The following TBC1D16 variants were observed in gnomAD, a reference collection of about 807,000 sequenced individuals.
TBC1D16 encodes CTD-2529O21.1.
A neutral mutation model predicts 74.7 loss-of-function variants in TBC1D16; 58 were observed. The observed-to-expected ratio is 0.78, with a 90% CI of 0.63 to 0.97. The LOEUF (loss-of-function observed/expected upper bound fraction) is 0.97, where lower values mean the gene tolerates loss of function less well. Among genes scored for constraint, TBC1D16 ranks in the 50% least tolerant of loss-of-function variants. The pLI is 0.00. For missense variants in TBC1D16, 1,014 were observed against 1,079.5 expected, an observed-to-expected ratio of 0.94 and a Z score of 0.85; for synonymous variants, 493 against 474.7, an observed-to-expected ratio of 1.04 and a Z score of -0.50.
intron 3 of TBC1D16, among the ~76,000 whole-genome samples, chr17:79,955,108 T>C (rs1200236161): frequency 2.6e-5 from 4 of 152,138 alleles, no homozygotes; most frequent in Non-Finnish European, 5.9e-5. Flanking sequence ...GCTTAAACCC[T>C]CTCGCAACCC....
chr17:80,021,901 G>A (rs1568645434), intron 1 of TBC1D16, among the ~76,000 whole-genome samples: 1 of 150,234 alleles, frequency 6.7e-6, no homozygotes, highest in Non-Finnish European at 1.5e-5. Flanking sequence ...CACACACCAT[G>A]ACACACACCA....
intron 3 of TBC1D16, among the ~76,000 whole-genome samples, chr17:79,982,173 G>A (rs1197726291): frequency 4.1e-5 from 6 of 147,396 alleles, no homozygotes; most frequent in African/African-American, 1.5e-4. Context: ...TTGAGACCGA[G>A]TCTCACTCTA....
chr17:79,972,170 G>T (rs1028327172), intron 3 of TBC1D16, among the ~76,000 whole-genome samples: 7 of 151,994 alleles, frequency 4.6e-5, no homozygotes, highest in Non-Finnish European at 7.4e-5. Flanking sequence ...AAAAAGGAAG[G>T]AAATTCTTTT....
In TBC1D16 at chr17:80,009,046, C is replaced by T. The variant is rs1431433553; in HGVS notation, c.779+1114G>A. Among the ~76,000 whole-genome samples the T allele has an allele frequency of 2.6e-5, 4 of 152,300 alleles. No homozygotes were observed. Among genetic ancestry groups the T allele is most frequent in the East Asian group, 3.9e-4 (2 of 5,168 alleles). On this transcript the variant is annotated intron_variant, in intron 3 of 11. Coordinates refer to ENST00000310924, the MANE Select transcript of TBC1D16 (RefSeq NM_019020.4). This position sits in a 1 kb window ranked among gnomAD's most constrained non-coding sequence, Gnocchi z 5.4. ...CTTCTCCGAGCCGCCCTTTCCCCTT[C>T]GATAGCAGGGGATAATAGGAGGGCC...
intron 1 of TBC1D16, among the ~76,000 whole-genome samples, chr17:80,021,787 ACT>A (rs1295896269): frequency 6.8e-6 from 1 of 148,000 alleles, no homozygotes; most frequent in Non-Finnish European, 1.5e-5. Context: ...CACACACCAC[ACT>A]CTACACACAC....
At chr17:79,991,704 G>A (rs2035066027) in intron 3 of TBC1D16, among the ~76,000 whole-genome samples, 1 of 149,372 alleles carries the variant, frequency 6.7e-6, no homozygotes, top group African/African-American at 2.4e-5. Context: ...AGGTGGGGGT[G>A]GGGCGGGGCG....
intron 3 of TBC1D16, among the ~76,000 whole-genome samples, chr17:79,984,707 A>AC (rs2034758816): frequency 7.3e-6 from 1 of 137,228 alleles, no homozygotes; most frequent in Non-Finnish European, 1.5e-5. Context: ...GTAAAGGCAA[A>AC]AAAAAAAAAA....
In TBC1D16 at chr17:80,018,178, C is replaced by CAAAAA. The variant is rs535459874; in HGVS notation, c.-62-4574_-62-4570dup. On this transcript the variant is annotated intron_variant, in intron 1 of 11. Transcript: ENST00000310924. ...ATACAATTTTAAATTTTCTGGTAAG[C>CAAAAA]AAAAAAAAAAAAAAAAGTGAAATTA... Among the ~76,000 whole-genome samples the CAAAAA allele has an allele frequency of 1.8e-3, 155 of 86,108 alleles. 2 individuals carry two copies. Among genetic ancestry groups the CAAAAA allele is most frequent in the African/African-American group, 6.6e-3 (149 of 22,422 alleles). 56.5% of individuals were successfully genotyped at this position (86,108 alleles called of 152,430 possible).
intron 3 of TBC1D16, among the ~76,000 whole-genome samples, chr17:79,964,410 T>A (rs1568594085): frequency 6.6e-6 from 1 of 152,232 alleles, no homozygotes; most frequent in Admixed American, 6.5e-5. Context: ...GATAGTATAT[T>A]TTGATGCGCA....
intron 1 of TBC1D16, among the ~76,000 whole-genome samples, chr17:80,024,806 C>T (rs2036489682): frequency 6.8e-6 from 1 of 147,368 alleles, no homozygotes; most frequent in Non-Finnish European, 1.5e-5. Context: ...AAACCATAGG[C>T]ACATACACCA....
At chr17:79,947,574 C>T in intron 9 of TBC1D16, 71 bp downstream of exon 9, 11 of 1,557,108 alleles carry the variant, frequency 7.1e-6, no homozygotes, top group Non-Finnish European at 9.6e-6. Context: ...CCACGGCAAC[C>T]CCGGCTACAA....
Position 79,987,443 on chromosome 17 carries a change from C to A in TBC1D16, c.779+22717G>T, listed in dbSNP as rs183041874. ...TTTATTTTTTATAGAGATGGGGTCT[C>A]GCTATGTTGTCCAGGCTGATCTTGA... On this transcript the variant is annotated intron_variant, in intron 3 of 11. Transcript: ENST00000310924. This position sits in a 1 kb window ranked among gnomAD's most constrained non-coding sequence, Gnocchi z 5.2. Among the ~76,000 whole-genome samples the A allele has an allele frequency of 1.3e-5, 2 of 151,886 alleles. No homozygotes were observed. The highest frequency in any genetic ancestry group is 2.9e-5 in the Non-Finnish European group (2 of 67,992).
Position 79,986,379 on chromosome 17 carries a change from A to G in TBC1D16, c.779+23781T>C, listed in dbSNP as rs896723330. Among the ~76,000 whole-genome samples the G allele has an allele frequency of 3.3e-5, 5 of 152,194 alleles. No individual in the cohort carries two copies. The highest frequency in any genetic ancestry group is 1.2e-4 in the African/African-American group (5 of 41,452). ...TAGACAGAAGTCTGGGCAGACGCAA[A>G]TGTGCAGCGTTTCAAAGCAAAGCTC... On this transcript the variant is annotated intron_variant, in intron 3 of 11. Transcript: ENST00000310924. The surrounding 1 kb of genome is among the most constrained non-coding windows in gnomAD (Gnocchi z 6.0).
intron 9 of TBC1D16, among the ~76,000 whole-genome samples, chr17:79,946,875 C>T (rs1360729507): frequency 6.6e-6 from 1 of 152,230 alleles, no homozygotes; most frequent in East Asian, 1.9e-4. Context: ...CGGGCACCTC[C>T]CACAGTGCTC....
chr17:79,940,841 C>A lies in TBC1D16; in HGVS notation c.*18G>T. On this transcript the variant is annotated 3_prime_UTR_variant, in exon 12 of 12. Coordinates refer to ENST00000310924, the MANE Select transcript of TBC1D16 (RefSeq NM_019020.4). This position sits in a 1 kb window ranked among gnomAD's most constrained non-coding sequence, Gnocchi z 5.4. Reference sequence around the variant, plus strand: ...TGAGGAGGTCCCCTCAACCCCTGTCCGGTGTCGGGGGCCCGACCTATCTGC... The same window carrying A: ...TGAGGAGGTCCCCTCAACCCCTGTCAGGTGTCGGGGGCCCGACCTATCTGC... 6.6e-7 allele frequency: 1 copy of A among 1,518,480 alleles called. No individual in the cohort carries two copies. The allele number at this position is 1,518,480 out of a possible 1,614,324, so 94.1% of individuals were successfully genotyped here.
rs1240816819 is a variant in TBC1D16, at chr17:80,025,119, A to ATACCAT, written c.-63+10675_-63+10676insATGGTA. ...CACACCATATACACACAAACACCAC[A>ATACCAT]GACACACACACACCATAGGCACACA... On this transcript the variant is annotated intron_variant, in intron 1 of 11. Coordinates refer to ENST00000310924, the MANE Select transcript of TBC1D16 (RefSeq NM_019020.4). 6.4e-4 allele frequency among the ~76,000 whole-genome samples: 13 copies of ATACCAT among 20,290 alleles called. 1 individual carries two copies. Among genetic ancestry groups the ATACCAT allele is most frequent in the African/African-American group, 1.3e-3 (6 of 4,500 alleles). 13.3% of individuals were successfully genotyped at this position (20,290 alleles called of 152,430 possible). A position where few individuals can be genotyped will look rare whatever the true frequency, so the allele number is the denominator to read the frequency against.
At chr17:79,999,230 T>C (rs541194055) in intron 3 of TBC1D16, among the ~76,000 whole-genome samples, 28 of 150,978 alleles carry the variant, frequency 1.9e-4, no homozygotes, top group Middle Eastern at 3.4e-3. Context: ...CACTCCAGCC[T>C]GGGCGAGAGA....
chr17:80,025,021 CCACAGATGCACACAT>C (rs1422707510), intron 1 of TBC1D16, among the ~76,000 whole-genome samples: 21 of 7,386 alleles, frequency 2.8e-3, no homozygotes, highest in Admixed American at 3.4e-3. Flanking sequence ...CACACACACA[CCACAGATGCACACAT>C]ACCATGACAC....
rs1212646187 is a variant in TBC1D16 at position 79,950,069 on chromosome 17, C to T, written c.1258-204G>A. 6.6e-6 allele frequency among the ~76,000 whole-genome samples: 1 copy of T among 152,222 alleles called. No homozygotes were observed. The highest frequency in any genetic ancestry group is 1.5e-5 in the Non-Finnish European group (1 of 68,032). ...GGCTCATTTCAATGTCAATGCCCCC[C>T]CTGGGGTGGCGCTCAGATTAACGTG... On this transcript the variant is annotated intron_variant, in intron 6 of 11. Transcript: ENST00000310924. This position sits in a 1 kb window ranked among gnomAD's most constrained non-coding sequence, Gnocchi z 4.6.
Sources: allele counts gnomAD v4.1 joint callset (sites outside exome capture counted in the v4.1 genomes callset), GRCh38; gene constraint gnomAD v4.1.1; non-coding constraint Gnocchi (gnomAD v3.1); transcripts MANE v1.5; gene names NCBI Gene and HGNC (gene_info 2026-07-23, HGNC 2026-07-21).